Variants in TYW1B observed in about 807,000 individuals in gnomAD.
TYW1B encodes the protein tRNA-yW synthesizing protein 1 homolog B.
In TYW1B, 73 loss-of-function variants were observed where a neutral mutation model predicts 86.9. That is an observed-to-expected ratio of 0.84 (90% CI 0.70 to 1.02). The LOEUF (loss-of-function observed/expected upper bound fraction) is 1.02. Ranked by LOEUF, TYW1B falls within the 50% of genes least tolerant of loss-of-function variation. TYW1B has a pLI of 0.00. For missense variants in TYW1B, 637 were observed against 827.4 expected (o/e 0.77, Z 2.82); for synonymous variants, 248 against 292.8 (o/e 0.85, Z 1.56).
chr7:72,624,020 C>G (rs187672756), intron 12 of TYW1B, among the ~76,000 whole-genome samples: 1 of 152,174 alleles, frequency 6.6e-6, no homozygotes, highest in East Asian at 1.9e-4. Flanking sequence ...AGGCTGGTCT[C>G]GAACTCCTGA....
chr7:72,791,331 A>AT (rs1256096173), intron 6 of TYW1B, among the ~76,000 whole-genome samples: 2 of 151,686 alleles, frequency 1.3e-5, no homozygotes, highest in Non-Finnish European at 2.9e-5. Flanking sequence ...TAGACTCATT[A>AT]TAAGTTGCCA....
intron 13 of TYW1B, among the ~76,000 whole-genome samples, chr7:72,616,244 A>G (rs1812067912): frequency 6.6e-6 from 1 of 152,246 alleles, no homozygotes; most frequent in Non-Finnish European, 1.5e-5. Context: ...AAAATCCCAA[A>G]CAAAATTCTC....
intron 13 of TYW1B, among the ~76,000 whole-genome samples, chr7:72,586,404 A>C (rs1401311227): frequency 1.3e-5 from 2 of 152,204 alleles, no homozygotes; most frequent in Admixed American, 6.5e-5. Flanking sequence ...GCATGGCCCA[A>C]AGCCCCAACC....
chr7:72,676,085 A>T, intron 11 of TYW1B, among the ~76,000 whole-genome samples: 1 of 152,164 alleles, frequency 6.6e-6, no homozygotes. Context: ...TTGGGGCTAA[A>T]CAGGGGTTCA....
At chr7:72,774,377 A>G (rs575480250) in intron 7 of TYW1B, among the ~76,000 whole-genome samples, 7 of 84,804 alleles carry the variant, frequency 8.3e-5, no homozygotes, top group Non-Finnish European at 1.4e-4. Context: ...ACCTTGTCCC[A>G]GGGGAAAAAA....
intron 11 of TYW1B, among the ~76,000 whole-genome samples, chr7:72,633,477 A>G (rs1554440316): frequency 6.6e-6 from 1 of 152,238 alleles, no homozygotes; most frequent in East Asian, 1.9e-4. Context: ...CTGTGAGATG[A>G]AACACAAAGA....
intron 3 of TYW1B, among the ~76,000 whole-genome samples, chr7:72,811,010 G>A (rs1424635788): frequency 2.6e-5 from 4 of 152,122 alleles, no homozygotes; most frequent in East Asian, 1.9e-4. Flanking sequence ...GGTGGCTCAA[G>A]CCTGTAATCC....
chr7:72,606,794 A>C (rs1811812535), intron 13 of TYW1B, among the ~76,000 whole-genome samples: 1 of 151,980 alleles, frequency 6.6e-6, no homozygotes, highest in Non-Finnish European at 1.5e-5. Flanking sequence ...GGGGAACTGG[A>C]CTTTTACCTC....
chr7:72,658,537 G>A (rs1283096858), intron 11 of TYW1B, among the ~76,000 whole-genome samples: 1 of 152,156 alleles, frequency 6.6e-6, no homozygotes, highest in African/African-American at 2.4e-5. Flanking sequence ...AAGCGGGAAG[G>A]AAATGGGGGT....
chr7:72,596,716 C>T (rs1384622516), intron 13 of TYW1B, among the ~76,000 whole-genome samples: 3 of 152,034 alleles, frequency 2.0e-5, no homozygotes, highest in African/African-American at 7.2e-5. Flanking sequence ...TGACATTGAA[C>T]ATAGCAGTGA....
At chr7:72,807,660 C>T (rs1381229808) in intron 4 of TYW1B, among the ~76,000 whole-genome samples, 1 of 152,124 alleles carries the variant, frequency 6.6e-6, no homozygotes, top group African/African-American at 2.4e-5. Flanking sequence ...CATTCTATAT[C>T]ATGATAAGAA....
At chr7:72,819,653 G>A (rs573022945) in intron 2 of TYW1B, among the ~76,000 whole-genome samples, 78 of 152,218 alleles carry the variant, frequency 5.1e-4, no homozygotes, top group Non-Finnish European at 9.1e-4. Context: ...GGTTGGTCTC[G>A]AACTCCTGGG....
intron 3 of TYW1B, among the ~76,000 whole-genome samples, chr7:72,812,589 C>T (rs1203987661): frequency 1.3e-5 from 2 of 152,088 alleles, no homozygotes; most frequent in Admixed American, 6.6e-5. Flanking sequence ...CACACCAATA[C>T]ATTTTCTTGG....
intron 3 of TYW1B, among the ~76,000 whole-genome samples, chr7:72,814,549 A>C (rs1195967414): frequency 6.6e-6 from 1 of 151,818 alleles, no homozygotes; most frequent in African/African-American, 2.4e-5. Context: ...GCGCCACTGC[A>C]CTCCAGCCTG....
At chr7:72,746,651 GA>G (rs1173899962) in intron 7 of TYW1B, among the ~76,000 whole-genome samples, 2 of 152,140 alleles carry the variant, frequency 1.3e-5, no homozygotes, top group Non-Finnish European at 2.9e-5. Context: ...GAATCTAACA[GA>G]ACTACTGTCC....
intron 10 of TYW1B, among the ~76,000 whole-genome samples, chr7:72,698,986 G>C (rs1814392128): frequency 1.3e-5 from 2 of 152,182 alleles, no homozygotes; most frequent in Non-Finnish European, 2.9e-5. Context: ...CTACGAACTG[G>C]ACACTGAGGC....
intron 12 of TYW1B, among the ~76,000 whole-genome samples, chr7:72,627,772 C>A (rs142217556): frequency 0.016 from 2,453 of 152,160 alleles, 35 homozygotes; most frequent in South Asian, 0.029. Context: ...TGAATTTAAT[C>A]AATCTTCTCT....
intron 6 of TYW1B, among the ~76,000 whole-genome samples, chr7:72,783,797 T>C (rs1186933373): frequency 6.6e-6 from 1 of 152,186 alleles, no homozygotes; most frequent in Admixed American, 6.5e-5. Context: ...TAAGTGCTCC[T>C]AGCTACAGAG....
intron 7 of TYW1B, among the ~76,000 whole-genome samples, chr7:72,752,781 C>A (rs1787522944): frequency 6.8e-6 from 1 of 147,700 alleles, no homozygotes; most frequent in South Asian, 2.1e-4. Context: ...AACTTGTACA[C>A]TTTAAATATG....
Sources: gnomAD v4.1 joint callset for allele counts (sites outside exome capture counted in the v4.1 genomes callset) on GRCh38, gnomAD v4.1.1 for gene constraint, MANE v1.5 for transcripts, NCBI Gene and HGNC (gene_info 2026-07-23, HGNC 2026-07-21) for gene names.